RALA: variants seen among roughly 807,000 people sequenced by gnomAD.
RALA encodes ras-related protein Ral-A.
A neutral mutation model predicts 24.0 loss-of-function variants in RALA; 5 were observed. The observed-to-expected ratio is 0.21, with a 90% CI of 0.11 to 0.44. The LOEUF (loss-of-function observed/expected upper bound fraction) is 0.44. Among genes scored for constraint, RALA ranks in the 20% least tolerant of loss-of-function variants. RALA has a pLI of 0.99. For missense variants in RALA, 95 were observed against 241.2 expected, an observed-to-expected ratio of 0.39 and a Z score of 4.01; for synonymous variants, 77 against 83.8, an observed-to-expected ratio of 0.92 and a Z score of 0.44.
At chr7:39,665,000 C>G (rs973603277) in intron 1 of RALA, among the ~76,000 whole-genome samples, 2 of 152,112 alleles carry the variant, frequency 1.3e-5, no homozygotes, top group Non-Finnish European at 2.9e-5. Context: ...TAGACTCTTC[C>G]GTGATACAAG....
At chr7:39,628,940 T>A (rs1218326514) in intron 1 of RALA, among the ~76,000 whole-genome samples, 5 of 152,172 alleles carry the variant, frequency 3.3e-5, no homozygotes, top group African/African-American at 1.2e-4. Flanking sequence ...AAAGATAAAA[T>A]ACATAAACTA....
chr7:39,631,003 T>C (rs1791588045), intron 1 of RALA, among the ~76,000 whole-genome samples: 2 of 120,004 alleles, frequency 1.7e-5, no homozygotes, highest in South Asian at 5.4e-4. Context: ...TGCTGGTTTT[T>C]TGTTTTTGTT....
At chr7:39,669,977 A>G (rs1376332428) in intron 1 of RALA, among the ~76,000 whole-genome samples, 2 of 152,162 alleles carry the variant, frequency 1.3e-5, no homozygotes, top group Non-Finnish European at 2.9e-5. Context: ...AAAATTAACA[A>G]AGCTCTCATG....
chr7:39,669,705 C>CT (rs1792348997), intron 1 of RALA, among the ~76,000 whole-genome samples: 1 of 151,504 alleles, frequency 6.6e-6, no homozygotes, highest in African/African-American at 2.4e-5. Context: ...ACTCAGGAGG[C>CT]TGAGGCAGGA....
chr7:39,673,023 A>G (rs2116029120), intron 1 of RALA, among the ~76,000 whole-genome samples: 1 of 152,302 alleles, frequency 6.6e-6, no homozygotes, highest in East Asian at 1.9e-4. Flanking sequence ...CACTTTCTCT[A>G]CTAAAAATAC....
chr7:39,662,785 A>G (rs768542802), intron 1 of RALA, among the ~76,000 whole-genome samples: 1 of 152,148 alleles, frequency 6.6e-6, no homozygotes, highest in African/African-American at 2.4e-5. Flanking sequence ...CCCATTACCC[A>G]GTTCCAAAGT....
At chr7:39,673,056 TG>T in intron 1 of RALA, among the ~76,000 whole-genome samples, 1 of 152,288 alleles carries the variant, frequency 6.6e-6, no homozygotes, top group Admixed American at 6.5e-5. Context: ...ATCATGGTGG[TG>T]CACGCCTGTA....
intron 1 of RALA, among the ~76,000 whole-genome samples, chr7:39,629,568 C>G (rs1313570719): frequency 1.3e-5 from 2 of 151,794 alleles, no homozygotes; most frequent in East Asian, 1.9e-4. Flanking sequence ...GTGCACGCCA[C>G]CACGCCTAGC....
chr7:39,674,849 A>G (rs1173163835), intron 1 of RALA, among the ~76,000 whole-genome samples: 2 of 117,032 alleles, frequency 1.7e-5, no homozygotes, highest in Non-Finnish European at 3.3e-5. Context: ...TTTGAGTCAG[A>G]GTCTTCCTCT....
chr7:39,684,567 G>A (rs1193608133), intron 1 of RALA, among the ~76,000 whole-genome samples: 1 of 152,030 alleles, frequency 6.6e-6, no homozygotes, highest in Non-Finnish European at 1.5e-5. Flanking sequence ...TGGCCCATTT[G>A]TGATTGAACC....
intron 1 of RALA, among the ~76,000 whole-genome samples, chr7:39,652,895 A>G (rs1206424963): frequency 6.6e-6 from 1 of 151,842 alleles, no homozygotes; most frequent in Non-Finnish European, 1.5e-5. Context: ...CTTCTCAAGT[A>G]GCTGGGATTA....
intron 1 of RALA, among the ~76,000 whole-genome samples, chr7:39,626,152 C>A (rs1015733535): frequency 1.3e-5 from 2 of 152,210 alleles, no homozygotes; most frequent in African/African-American, 4.8e-5. Context: ...GACATTACCA[C>A]TATACAGAGG....
chr7:39,640,633 C>T (rs1791796642), intron 1 of RALA, among the ~76,000 whole-genome samples: 1 of 152,236 alleles, frequency 6.6e-6, no homozygotes, highest in East Asian at 1.9e-4. Context: ...TTAATGTTTT[C>T]TAATTTCCCA....
chr7:39,670,332 A>G (rs1792357798), intron 1 of RALA, among the ~76,000 whole-genome samples: 1 of 152,154 alleles, frequency 6.6e-6, no homozygotes, highest in African/African-American at 2.4e-5. Context: ...TTTTTTGTAG[A>G]GACAAAGTCT....
intron 1 of RALA, among the ~76,000 whole-genome samples, chr7:39,653,479 C>A (rs937838770): frequency 6.6e-5 from 10 of 152,146 alleles, no homozygotes; most frequent in African/African-American, 1.7e-4. Context: ...TGTGTTCCAC[C>A]ATGCCTGGCC....
intron 1 of RALA, among the ~76,000 whole-genome samples, chr7:39,631,820 T>G (rs1214706709): frequency 6.6e-6 from 1 of 152,212 alleles, no homozygotes; most frequent in African/African-American, 2.4e-5. Flanking sequence ...TAGCCTCTTT[T>G]GCATTGCTAT....
chr7:39,685,527 G>A (rs1310877545), intron 1 of RALA, among the ~76,000 whole-genome samples: 1 of 152,128 alleles, frequency 6.6e-6, no homozygotes, highest in East Asian at 1.9e-4. Flanking sequence ...CGTTCAGAGT[G>A]TTTGTTGTGG....
chr7:39,665,917 G>T (rs1361982467), intron 1 of RALA, among the ~76,000 whole-genome samples: 1 of 151,782 alleles, frequency 6.6e-6, no homozygotes, highest in Non-Finnish European at 1.5e-5. Flanking sequence ...GCTTGATATG[G>T]CTCAATTTTC....
At chr7:39,671,488 C>T (rs181678760) in intron 1 of RALA, among the ~76,000 whole-genome samples, 75 of 152,174 alleles carry the variant, frequency 4.9e-4, no homozygotes, top group African/African-American at 1.6e-3. Flanking sequence ...TCTAAAAAGA[C>T]GCCTGAATAT....
Sources: gnomAD v4.1 joint callset for allele counts (sites outside exome capture counted in the v4.1 genomes callset) on GRCh38, gnomAD v4.1.1 for gene constraint, MANE v1.5 for transcripts, NCBI Gene and HGNC (gene_info 2026-07-23, HGNC 2026-07-21) for gene names.